The following PTPRD variants were observed in gnomAD, a reference collection of about 807,000 sequenced individuals.
PTPRD encodes the protein protein tyrosine phosphatase receptor type D.
In PTPRD, 34 loss-of-function variants were observed where a neutral mutation model predicts 214.5. The observed-to-expected ratio is 0.16, with a 90% CI of 0.12 to 0.21. PTPRD has a LOEUF of 0.21. Ranked by LOEUF, PTPRD falls within the 10% of genes least tolerant of loss-of-function variation. The pLI, the probability that PTPRD is intolerant of heterozygous loss-of-function variation, is 1.00. For synonymous variants in PTPRD, 1,128 were observed against 845.7 expected, an observed-to-expected ratio of 1.33 and a Z score of -5.79; for missense variants, 2,545 against 2,398.7, an observed-to-expected ratio of 1.06 and a Z score of -1.27.
At chr9:9,613,607 G>A (rs183547527) in intron 7 of PTPRD, among the ~76,000 whole-genome samples, 9 of 152,246 alleles carry the variant, frequency 5.9e-5, no homozygotes, top group African/African-American at 2.2e-4. Context: ...TTGAACAGCT[G>A]AAATCTTAAG....
chr9:8,657,032 G>A (rs1355057968), intron 12 of PTPRD, among the ~76,000 whole-genome samples: 2 of 152,136 alleles, frequency 1.3e-5, no homozygotes, highest in Middle Eastern at 3.2e-3. Flanking sequence ...TCTGACTGGC[G>A]AGGGATGGTA....
At chr9:8,813,471 A>G (rs529370312) in intron 11 of PTPRD, among the ~76,000 whole-genome samples, 1 of 152,310 alleles carries the variant, frequency 6.6e-6, no homozygotes, top group Admixed American at 6.5e-5. Flanking sequence ...CCTAGGCTGA[A>G]GCAATCCTCC....
At chr9:9,206,666 G>T (rs1000433741) in intron 9 of PTPRD, among the ~76,000 whole-genome samples, 15 of 152,168 alleles carry the variant, frequency 9.9e-5, no homozygotes, top group Non-Finnish European at 2.2e-4. Context: ...GAGTCTTCCT[G>T]CCTTCATCTG....
intron 8 of PTPRD, among the ~76,000 whole-genome samples, chr9:9,464,515 C>G (rs1001060884): frequency 3.3e-5 from 5 of 152,042 alleles, no homozygotes; most frequent in African/African-American, 1.2e-4. Flanking sequence ...AAATTAAGGC[C>G]TTTCTATGAG....
intron 7 of PTPRD, among the ~76,000 whole-genome samples, chr9:9,727,516 C>T (rs1266610372): frequency 6.6e-6 from 1 of 152,052 alleles, no homozygotes; most frequent in Non-Finnish European, 1.5e-5. Flanking sequence ...AGATGAGAGG[C>T]TAAAATAAAA....
chr9:9,549,501 T>C (rs977393154), intron 8 of PTPRD, among the ~76,000 whole-genome samples: 8 of 152,098 alleles, frequency 5.3e-5, no homozygotes, highest in African/African-American at 1.4e-4. Flanking sequence ...CCAAAATAGA[T>C]AGTCAACAAG....
intron 14 of PTPRD, among the ~76,000 whole-genome samples, chr9:8,602,850 A>C (rs2094950984): frequency 6.6e-6 from 1 of 152,206 alleles, no homozygotes; most frequent in Non-Finnish European, 1.5e-5. Context: ...TCCTAGCTTT[A>C]ATTCCATCTC....
intron 8 of PTPRD, among the ~76,000 whole-genome samples, chr9:9,399,334 G>C (rs1346541669): frequency 6.6e-6 from 1 of 151,976 alleles, no homozygotes; most frequent in Non-Finnish European, 1.5e-5. Flanking sequence ...CAGCTTCTCA[G>C]ATTTTGTGCT....
At chr9:10,063,423 T>C (rs1484332966) in intron 3 of PTPRD, among the ~76,000 whole-genome samples, 1 of 152,004 alleles carries the variant, frequency 6.6e-6, no homozygotes, top group Non-Finnish European at 1.5e-5. Flanking sequence ...TAACATATAG[T>C]ATAGTAAGAA....
chr9:9,579,263 A>G (rs545041253), intron 7 of PTPRD, among the ~76,000 whole-genome samples: 7 of 152,222 alleles, frequency 4.6e-5, no homozygotes, highest in Non-Finnish European at 8.8e-5. Flanking sequence ...ACTAAGTGCC[A>G]AGAAGTGTGT....
intron 3 of PTPRD, among the ~76,000 whole-genome samples, chr9:10,282,184 G>A (rs1269386291): frequency 6.6e-6 from 1 of 152,156 alleles, no homozygotes; most frequent in Admixed American, 6.5e-5. Flanking sequence ...CCATGATATA[G>A]AGAATTTACT....
At chr9:9,734,995 T>C (rs2098268224) in intron 6 of PTPRD, among the ~76,000 whole-genome samples, 1 of 152,154 alleles carries the variant, frequency 6.6e-6, no homozygotes, top group Non-Finnish European at 1.5e-5. Context: ...AGGTTTTTGC[T>C]GGCTATGACA....
At chr9:8,460,102 G>C (rs1387228739) in intron 33 of PTPRD, among the ~76,000 whole-genome samples, 1 of 152,090 alleles carries the variant, frequency 6.6e-6, no homozygotes, top group African/African-American at 2.4e-5. Flanking sequence ...GGAATTATTT[G>C]CTTGTGAATG....
chr9:8,656,508 G>C (rs1157592440), intron 12 of PTPRD, among the ~76,000 whole-genome samples: 1 of 152,108 alleles, frequency 6.6e-6, no homozygotes, highest in African/African-American at 2.4e-5. Flanking sequence ...TTCAGCTTCA[G>C]GACCCTTTCC....
At chr9:8,653,921 C>A (rs2154347278) in intron 12 of PTPRD, among the ~76,000 whole-genome samples, 1 of 152,258 alleles carries the variant, frequency 6.6e-6, no homozygotes, top group Admixed American at 6.5e-5. Flanking sequence ...ATCAATTGTC[C>A]CATCTCCCTA....
intron 11 of PTPRD, among the ~76,000 whole-genome samples, chr9:8,936,593 A>T (rs947890514): frequency 2.0e-5 from 3 of 152,106 alleles, no homozygotes; most frequent in African/African-American, 7.2e-5. Flanking sequence ...TGCTTTGAGG[A>T]ACTGGAAACT....
At chr9:8,550,227 T>C (rs2081601447) in intron 14 of PTPRD, among the ~76,000 whole-genome samples, 1 of 152,188 alleles carries the variant, frequency 6.6e-6, no homozygotes, top group Admixed American at 6.5e-5. Context: ...CATTCCAATA[T>C]AAATATTGTC....
chr9:9,125,855 T>C lies in PTPRD; in HGVS notation c.-143+57449A>G, dbSNP rs147280222. Reference sequence around the variant, plus strand: ...ATAAAGACTCAATGGGGTAAAGTTGTTTTAGGCTGTGATGACTTTACTGAG... The same window carrying C: ...ATAAAGACTCAATGGGGTAAAGTTGCTTTAGGCTGTGATGACTTTACTGAG... On this transcript the variant is annotated intron_variant, in intron 10 of 45. Coordinates refer to ENST00000381196, the MANE Select transcript of PTPRD (RefSeq NM_002839.4). Among the ~76,000 whole-genome samples, 816 of 152,202 alleles carry C rather than the reference T, an allele frequency of 5.4e-3. 7 individuals are homozygous for C. Among genetic ancestry groups the C allele is most frequent in the African/African-American group, 0.019 (784 of 41,526 alleles).
At chr9:9,655,568 CA>C (rs1403203799) in intron 7 of PTPRD, among the ~76,000 whole-genome samples, 3 of 144,846 alleles carry the variant, frequency 2.1e-5, no homozygotes, top group African/African-American at 8.0e-5. Context: ...GACTCCATCT[CA>C]AAGGGAAAAC....
Sources: allele counts gnomAD v4.1 joint callset (sites outside exome capture counted in the v4.1 genomes callset), GRCh38; gene constraint gnomAD v4.1.1; transcripts MANE v1.5; gene names NCBI Gene and HGNC (gene_info 2026-07-23, HGNC 2026-07-21).